BACC1: variants seen among roughly 807,000 people sequenced by gnomAD.
BACC1 encodes BPTF-associated chromatin complex component 1.
the BACC1 span, chr17:7,015,330 TAC>T: frequency 7.3e-7 from 1 of 1,372,958 alleles, no homozygotes; most frequent in Non-Finnish European, 9.3e-7. Flanking sequence ...CAGATAAAAA[TAC>T]AGACAGGCCC....
the BACC1 span, chr17:7,014,796 C>T: frequency 2.0e-6 from 3 of 1,520,174 alleles, no homozygotes; most frequent in South Asian, 3.6e-5. This position sits in a 1 kb window ranked among gnomAD's most constrained non-coding sequence, Gnocchi z 4.5. Context: ...TCCCTGCTCT[C>T]CGTGGTCCCG....
At chr17:7,014,971 G>T in the BACC1 span, 1 of 1,437,416 alleles carries the variant, frequency 7.0e-7, no homozygotes, top group East Asian at 3.0e-5. The surrounding 1 kb of genome is among the most constrained non-coding windows in gnomAD (Gnocchi z 4.5). Context: ...GGCGGGGGGC[G>T]GGCGGGAGCC....
the BACC1 span, chr17:7,014,921 A>C: frequency 2.7e-6 from 4 of 1,478,136 alleles, no homozygotes; most frequent in Non-Finnish European, 3.6e-6. The surrounding 1 kb of genome is among the most constrained non-coding windows in gnomAD (Gnocchi z 4.5). Context: ...CGGCCACGGG[A>C]GGGCGGGCCC....
At chr17:7,014,928 GC>G in the BACC1 span, 18 of 1,494,118 alleles carry the variant, frequency 1.2e-5, no homozygotes, top group South Asian at 1.0e-4. This position sits in a 1 kb window ranked among gnomAD's most constrained non-coding sequence, Gnocchi z 4.5. Flanking sequence ...GGGAGGGCGG[GC>G]CCCCCACTTG....
At chr17:7,015,140 G>A in the BACC1 span, 1 of 1,580,288 alleles carries the variant, frequency 6.3e-7, no homozygotes, top group African/African-American at 1.4e-5. Flanking sequence ...TCCCGTGGCC[G>A]ACTCTTCTCC....
At chr17:7,017,026 C>T in the BACC1 span, 2 of 1,599,712 alleles carry the variant, frequency 1.3e-6, no homozygotes, top group Non-Finnish European at 8.6e-7. Flanking sequence ...TAGGAGTCCT[C>T]CTCCTCCCAC....
chr17:7,016,968 A>G, the BACC1 span: 173 of 1,613,942 alleles, frequency 1.1e-4, no homozygotes, highest in Non-Finnish European at 1.3e-4. Context: ...TGGATATTGA[A>G]GGGCTAGGAG....
chr17:7,015,601 G>C, the BACC1 span: 1 of 1,373,152 alleles, frequency 7.3e-7, no homozygotes, highest in South Asian at 1.5e-5. Context: ...CCCGGTTCCC[G>C]CAGGGCCTCA....
At chr17:7,015,504 G>C in the BACC1 span, 1 of 1,386,776 alleles carries the variant, frequency 7.2e-7, no homozygotes. Context: ...TGGTTTCAGT[G>C]TGCTGTGTAC....
chr17:7,017,380 G>A, the BACC1 span: 34 of 1,507,472 alleles, frequency 2.3e-5, no homozygotes, highest in Middle Eastern at 1.7e-4. Flanking sequence ...CTGGGACTCC[G>A]AGCAAGGCCT....
At chr17:7,015,599 C>A in the BACC1 span, 212 of 1,378,404 alleles carry the variant, frequency 1.5e-4, no homozygotes, top group Admixed American at 7.9e-4. Context: ...CTCCCGGTTC[C>A]CGCAGGGCCT....
chr17:7,016,040 G>A, the BACC1 span: 3 of 610,248 alleles, frequency 4.9e-6, no homozygotes, highest in South Asian at 4.1e-5. Context: ...TGTCACAGTT[G>A]GTCAGAAGTT....
the BACC1 span, chr17:7,017,474 A>G: frequency 1.3e-6 from 1 of 741,154 alleles, no homozygotes; most frequent in South Asian, 1.4e-5. Flanking sequence ...TTTGACCTTC[A>G]TCTGATGGAC....
chr17:7,017,156 A>G, the BACC1 span: 1 of 1,567,938 alleles, frequency 6.4e-7, no homozygotes, highest in East Asian at 2.2e-5. Flanking sequence ...AGCGCAGGGC[A>G]TTGGATCAGT....
the BACC1 span, chr17:7,014,969 G>C: frequency 7.0e-7 from 1 of 1,437,414 alleles, no homozygotes. This position sits in a 1 kb window ranked among gnomAD's most constrained non-coding sequence, Gnocchi z 4.5. Context: ...CGGGCGGGGG[G>C]CGGGCGGGAG....
At chr17:7,014,782 A>G in the BACC1 span, 2 of 1,510,804 alleles carry the variant, frequency 1.3e-6, no homozygotes, top group Admixed American at 2.1e-5. The surrounding 1 kb of genome is among the most constrained non-coding windows in gnomAD (Gnocchi z 4.5). Context: ...CGAGCCGCTC[A>G]GTCTCCCTGC....
the BACC1 span, chr17:7,017,223 G>C: frequency 6.2e-7 from 1 of 1,614,006 alleles, no homozygotes; most frequent in Non-Finnish European, 8.5e-7. Flanking sequence ...CTGGGGGCTC[G>C]CTCCATCTCG....
the BACC1 span, chr17:7,014,996 G>A: frequency 7.0e-7 from 1 of 1,429,270 alleles, no homozygotes; most frequent in Non-Finnish European, 9.1e-7. The surrounding 1 kb of genome is among the most constrained non-coding windows in gnomAD (Gnocchi z 4.5). Context: ...CTGGGGTGGG[G>A]CTAGGGGCTC....
chr17:7,017,301 CCTCCT>C, the BACC1 span: 1 of 1,613,624 alleles, frequency 6.2e-7, no homozygotes, highest in African/African-American at 1.3e-5. Flanking sequence ...CTCTGCTGAT[CCTCCT>C]CTCCTCTCCT....
Sources: gnomAD v4.1 joint callset for allele counts on GRCh38, gnomAD v4.1.1 for gene constraint, Gnocchi (gnomAD v3.1) non-coding constraint, MANE v1.5 for transcripts, NCBI Gene and HGNC (gene_info 2026-07-23, HGNC 2026-07-21) for gene names.